CAB39L: variants seen among roughly 807,000 people sequenced by gnomAD.
CAB39L encodes the protein calcium binding protein 39 like.
Under a neutral mutation model 39.1 loss-of-function variants are expected in CAB39L, and 23 were observed. That is an observed-to-expected ratio of 0.59 (90% confidence interval 0.42 to 0.83). The LOEUF is 0.83. Among genes scored for constraint, CAB39L ranks in the 40% least tolerant of loss-of-function variants. The probability of loss-of-function intolerance (pLI) is 0.00; values close to 1 mark genes in which losing one functional copy is unlikely to be tolerated. For synonymous variants in CAB39L, 126 were observed against 137.2 expected, an observed-to-expected ratio of 0.92 and a Z score of 0.57; for missense variants, 366 against 391.9, an observed-to-expected ratio of 0.93 and a Z score of 0.56.
intron 3 of CAB39L, among the ~76,000 whole-genome samples, chr13:49,421,898 A>C (rs1045443514): frequency 4.6e-5 from 7 of 152,194 alleles, no homozygotes; most frequent in Non-Finnish European, 5.9e-5. Context: ...CCAGAGTCTT[A>C]TAACATAATA....
At chr13:49,336,329 T>C (rs1383993925) in intron 9 of CAB39L, among the ~76,000 whole-genome samples, 1 of 152,218 alleles carries the variant, frequency 6.6e-6, no homozygotes, top group South Asian at 2.1e-4. Context: ...AGGTAATTTA[T>C]CTGCATTTTG....
chr13:49,364,129 G>A (rs1955705719), intron 5 of CAB39L, among the ~76,000 whole-genome samples: 1 of 152,140 alleles, frequency 6.6e-6, no homozygotes, highest in Non-Finnish European at 1.5e-5. Flanking sequence ...TTTAACAATT[G>A]TAAATATATA....
chr13:49,441,620 T>G (rs909656709), intron 1 of CAB39L, among the ~76,000 whole-genome samples: 5 of 152,166 alleles, frequency 3.3e-5, no homozygotes, highest in African/African-American at 1.2e-4. Flanking sequence ...ATGCTGGAGT[T>G]TAAAAAAATC....
At chr13:49,414,686 A>ACAGAGAC (rs1236841673) in intron 3 of CAB39L, among the ~76,000 whole-genome samples, 2 of 152,192 alleles carry the variant, frequency 1.3e-5, no homozygotes, top group Non-Finnish European at 2.9e-5. Context: ...GTGTGTGTGT[A>ACAGAGAC]CAGAGACATG....
At chr13:49,349,455 C>CAT (rs34379188) in intron 7 of CAB39L, among the ~76,000 whole-genome samples, 25,013 of 141,520 alleles carry the variant, frequency 0.18, 2,316 homozygotes, top group African/African-American at 0.26. Flanking sequence ...AATCTGAATA[C>CAT]ATATATATAT....
chr13:49,313,272 G>A (rs1954049150), intron 10 of CAB39L, among the ~76,000 whole-genome samples: 1 of 152,080 alleles, frequency 6.6e-6, no homozygotes. Context: ...ACGAAGTCAG[G>A]AGATCGAGAC....
At chr13:49,360,542 CTGGTTTTCCAAAAGAA>C (rs993860526) in intron 5 of CAB39L, among the ~76,000 whole-genome samples, 4 of 152,172 alleles carry the variant, frequency 2.6e-5, no homozygotes, top group African/African-American at 9.7e-5. Context: ...CCTGTCTAGC[CTGGTTTTCCAAAAGAA>C]ATCTTGGACT....
intron 10 of CAB39L, among the ~76,000 whole-genome samples, chr13:49,326,101 C>T (rs1954488867): frequency 6.6e-6 from 1 of 152,148 alleles, no homozygotes; most frequent in Non-Finnish European, 1.5e-5. Context: ...CAGCTCTGAG[C>T]GAGCAAACGA....
chr13:49,403,788 A>C (rs1181712017), intron 3 of CAB39L, among the ~76,000 whole-genome samples: 1 of 152,124 alleles, frequency 6.6e-6, no homozygotes, highest in African/African-American at 2.4e-5. Flanking sequence ...CAACAAAAAA[A>C]CCCTATAAAC....
chr13:49,336,786 A>G (rs988685425), intron 9 of CAB39L, among the ~76,000 whole-genome samples: 12 of 152,212 alleles, frequency 7.9e-5, no homozygotes, highest in Admixed American at 2.0e-4. Context: ...GAGCCCTACA[A>G]ATAACGAGTT....
At chr13:49,331,536 A>C (rs7992766) in intron 10 of CAB39L, among the ~76,000 whole-genome samples, 39,424 of 151,960 alleles carry the variant, frequency 0.26, 5,493 homozygotes, top group African/African-American at 0.37. Flanking sequence ...AACAAAATAC[A>C]TTGTAAAAAA....
At chr13:49,347,461 T>G (rs184340429) in intron 7 of CAB39L, among the ~76,000 whole-genome samples, 1 of 152,228 alleles carries the variant, frequency 6.6e-6, no homozygotes. Context: ...TGTTTGTAAT[T>G]ATGTGAAGGC....
intron 5 of CAB39L, among the ~76,000 whole-genome samples, chr13:49,373,119 A>T (rs2138551735): frequency 6.6e-6 from 1 of 152,286 alleles, no homozygotes; most frequent in East Asian, 1.9e-4. Flanking sequence ...ATCTTTCTCC[A>T]TGAACATCTT....
intron 3 of CAB39L, among the ~76,000 whole-genome samples, chr13:49,432,477 G>A (rs535351120): frequency 1.3e-5 from 2 of 152,148 alleles, no homozygotes; most frequent in East Asian, 1.9e-4. Flanking sequence ...TCTAATAATC[G>A]AAATCTCTAT....
chr13:49,347,427 C>T (rs2138452749), intron 7 of CAB39L, among the ~76,000 whole-genome samples: 1 of 152,284 alleles, frequency 6.6e-6, no homozygotes, highest in Middle Eastern at 3.4e-3. Flanking sequence ...TATTTGCTTT[C>T]CTCCTCTATT....
chr13:49,382,516 T>C (rs1417700560), intron 4 of CAB39L: 1 of 192,540 alleles, frequency 5.2e-6, no homozygotes, highest in Non-Finnish European at 1.1e-5. Context: ...TTACCTTTCA[T>C]GTAAATGTAA....
At chr13:49,322,442 A>G (rs117794744) in intron 10 of CAB39L, among the ~76,000 whole-genome samples, 5,619 of 152,298 alleles carry the variant, frequency 0.037, 154 homozygotes, top group Middle Eastern at 0.11. Context: ...TACAGTTGCT[A>G]CTTCCTTCAA....
chr13:49,389,501 T>C (rs773294068), intron 3 of CAB39L, among the ~76,000 whole-genome samples: 8 of 151,914 alleles, frequency 5.3e-5, no homozygotes, highest in Non-Finnish European at 1.0e-4. Context: ...ATTAGCTGGG[T>C]GTGGTGGCAG....
rs1953954675 is a variant in CAB39L, at chr13:49,310,571, T to C, written c.*243A>G. ...CACATCTGCAAGTTAAAATTGCTTTTATCAACATCTGATACAATGGTTCTC... is the reference window on the plus strand; with the variant it reads ...CACATCTGCAAGTTAAAATTGCTTTCATCAACATCTGATACAATGGTTCTC... On this transcript the variant is annotated 3_prime_UTR_variant, in exon 11 of 11. Coordinates refer to ENST00000409308, the MANE Select transcript of CAB39L (RefSeq NM_001079670.3). 1 of 361,242 alleles carries C rather than the reference T, an allele frequency of 2.8e-6. No homozygotes were observed. Among genetic ancestry groups the C allele is most frequent in the African/African-American group, 2.1e-5 (1 of 48,504 alleles). 22.4% of individuals were successfully genotyped at this position (361,242 alleles called of 1,614,324 possible).
Sources: gnomAD v4.1 joint callset for allele counts (sites outside exome capture counted in the v4.1 genomes callset) on GRCh38, gnomAD v4.1.1 for gene constraint, MANE v1.5 for transcripts, NCBI Gene and HGNC (gene_info 2026-07-23, HGNC 2026-07-21) for gene names.